Variants in ASTN2 observed in about 807,000 individuals in gnomAD.
ASTN2 encodes the protein astrotactin 2.
In ASTN2, 54 loss-of-function variants were observed where a neutral mutation model predicts 139.8. The observed-to-expected ratio is 0.39, with a 90% CI of 0.31 to 0.48. The LOEUF (loss-of-function observed/expected upper bound fraction) is 0.48. ASTN2 is among the 20% of genes least tolerant of loss of function. The pLI is 0.95. For missense variants in ASTN2, 1,565 were observed against 1,725.1 expected, an observed-to-expected ratio of 0.91 and a Z score of 1.64; for synonymous variants, 756 against 719.5, an observed-to-expected ratio of 1.05 and a Z score of -0.81.
At chr9:117,204,174 G>C (rs977764440) in intron 3 of ASTN2, among the ~76,000 whole-genome samples, 2 of 152,344 alleles carry the variant, frequency 1.3e-5, no homozygotes, top group East Asian at 3.9e-4. Flanking sequence ...GTGGGGACAA[G>C]TCTTGGGACC....
intron 16 of ASTN2, among the ~76,000 whole-genome samples, chr9:116,690,476 G>A (rs1860510860): frequency 6.6e-6 from 1 of 152,204 alleles, no homozygotes; most frequent in African/African-American, 2.4e-5. Context: ...ATAGTTGGAA[G>A]CCAGAAGTTT....
chr9:116,869,767 C>G (rs976866823), intron 10 of ASTN2, among the ~76,000 whole-genome samples: 4 of 152,074 alleles, frequency 2.6e-5, no homozygotes, highest in Non-Finnish European at 4.4e-5. Context: ...CACAAACAAT[C>G]ATAGACAATA....
At chr9:117,363,697 G>A (rs946839087) in intron 1 of ASTN2, among the ~76,000 whole-genome samples, 1 of 152,166 alleles carries the variant, frequency 6.6e-6, no homozygotes, top group African/African-American at 2.4e-5. Context: ...CAGAGATTAG[G>A]AGGAGTCAAA....
chr9:117,164,857 T>C (rs939749524), intron 3 of ASTN2, among the ~76,000 whole-genome samples: 23 of 152,128 alleles, frequency 1.5e-4, no homozygotes, highest in African/African-American at 5.3e-4. Context: ...GTTGAATGAA[T>C]GCCCTCTCCA....
chr9:117,277,797 C>G lies in ASTN2; in HGVS notation c.630+13529G>C, dbSNP rs142172466. On this transcript the variant is annotated intron_variant, in intron 2 of 22. Transcript: ENST00000313400. ...CTCCTAGGTGATCTGGGTAAACTAC[C>G]CTAAATAACTGTTTCAAGAAATAAG... Among the ~76,000 whole-genome samples, 27 of 152,204 alleles carry G rather than the reference C, an allele frequency of 1.8e-4. 1 individual carries two copies. The highest frequency in any genetic ancestry group is 5.8e-4 in the African/African-American group (24 of 41,518).
chr9:117,403,603 T>C (rs1036928560), intron 1 of ASTN2, among the ~76,000 whole-genome samples: 3 of 150,316 alleles, frequency 2.0e-5, no homozygotes, highest in Non-Finnish European at 4.4e-5. Context: ...CAGCTATTAC[T>C]GTGACTGGAA....
At chr9:117,054,272 C>G (rs1838995647) in intron 5 of ASTN2, among the ~76,000 whole-genome samples, 1 of 152,202 alleles carries the variant, frequency 6.6e-6, no homozygotes, top group Non-Finnish European at 1.5e-5. Context: ...GCTAAGAGGA[C>G]TATCTATTCT....
chr9:116,882,171 C>T (rs754009936), intron 10 of ASTN2, among the ~76,000 whole-genome samples: 1 of 152,048 alleles, frequency 6.6e-6, no homozygotes, highest in Admixed American at 6.5e-5. Context: ...CTGTCAGATA[C>T]GAGTAAGCCA....
intron 4 of ASTN2, among the ~76,000 whole-genome samples, chr9:117,113,419 G>A (rs1286867282): frequency 6.6e-6 from 1 of 152,192 alleles, no homozygotes; most frequent in Admixed American, 6.6e-5. Flanking sequence ...ACATTGGGAG[G>A]CCAAGCAGGG....
intron 4 of ASTN2, among the ~76,000 whole-genome samples, chr9:117,097,604 A>T (rs1046232728): frequency 4.6e-5 from 7 of 152,170 alleles, no homozygotes; most frequent in Non-Finnish European, 7.3e-5. Flanking sequence ...TCCTGGATGG[A>T]GAATTAAGTG....
At chr9:116,673,057 T>C (rs901966055) in intron 16 of ASTN2, among the ~76,000 whole-genome samples, 2 of 152,246 alleles carry the variant, frequency 1.3e-5, no homozygotes, top group Non-Finnish European at 2.9e-5. Flanking sequence ...AGGTAGGGCA[T>C]AGGCCAAGTA....
intron 19 of ASTN2, chr9:116,584,590 C>T (rs1488764153): frequency 6.6e-6 from 1 of 152,134 alleles, no homozygotes; most frequent in Non-Finnish European, 1.5e-5. Flanking sequence ...ATACAACTAG[C>T]ATTATACTTA....
Position 116,837,257 on chromosome 9 carries a change from G to A in ASTN2, c.2041-16474C>T, listed in dbSNP as rs1369176359. Among the ~76,000 whole-genome samples the A allele has an allele frequency of 5.3e-5, 8 of 152,272 alleles. No individual in the cohort carries two copies. In the East Asian group the frequency reaches 1.5e-3, roughly 29 times the overall value. ...CTAGCATGTGGAGGCGTGCCTCTTT[G>A]CTGAGGTTTTATAGTAAGTAGGTGA... On this transcript the variant is annotated intron_variant, in intron 11 of 22. Transcript: ENST00000313400.
intron 5 of ASTN2, among the ~76,000 whole-genome samples, chr9:117,054,217 C>T (rs1202600416): frequency 3.3e-5 from 5 of 152,122 alleles, no homozygotes; most frequent in Non-Finnish European, 7.4e-5. Flanking sequence ...TCTAGACCCA[C>T]TTTCTGTCTT....
chr9:117,045,978 ATGTACG>A (rs1564399776), intron 5 of ASTN2, among the ~76,000 whole-genome samples: 2 of 140,172 alleles, frequency 1.4e-5, no homozygotes, highest in African/African-American at 2.8e-5. Flanking sequence ...GTATGTATGT[ATGTACG>A]TACGTACGTA....
intron 13 of ASTN2, among the ~76,000 whole-genome samples, chr9:116,784,814 A>G (rs1031115194): frequency 6.6e-6 from 1 of 151,710 alleles, no homozygotes; most frequent in African/African-American, 2.4e-5. Context: ...CTGTGATCCC[A>G]GTTACTCGGG....
Position 117,006,210 on chromosome 9 carries a change from C to G in ASTN2, c.1591+1882G>C, listed in dbSNP as rs374659750. Among the ~76,000 whole-genome samples the G allele has an allele frequency of 1.7e-4, 26 of 152,150 alleles. No individual in the cohort carries two copies. The East Asian group carries it at 2.7e-3, about 16-fold the overall frequency. On this transcript the variant is annotated intron_variant, in intron 7 of 22. Transcript: ENST00000313400. ...TGCTAGAGGTTCTACTACTGGAACC[C>G]CAATTTAGCAGGGGGCTCTTAGATC...
intron 5 of ASTN2, among the ~76,000 whole-genome samples, chr9:117,073,349 C>G (rs997726755): frequency 1.3e-5 from 2 of 152,184 alleles, no homozygotes; most frequent in African/African-American, 2.4e-5. Flanking sequence ...CTGGATATTG[C>G]TTGGTTCATT....
chr9:117,220,321 T>C (rs996581273), intron 2 of ASTN2, among the ~76,000 whole-genome samples: 1 of 152,088 alleles, frequency 6.6e-6, no homozygotes, highest in Non-Finnish European at 1.5e-5. Flanking sequence ...TCACCTGTCC[T>C]ACTTGTCCTG....
Sources: gnomAD v4.1 joint callset for allele counts (sites outside exome capture counted in the v4.1 genomes callset) on GRCh38, gnomAD v4.1.1 for gene constraint, MANE v1.5 for transcripts, NCBI Gene and HGNC (gene_info 2026-07-23, HGNC 2026-07-21) for gene names.